STPG1: variants seen among roughly 807,000 people sequenced by gnomAD.
The protein encoded by STPG1 is sperm tail PG-rich repeat containing 1.
In STPG1, 33 loss-of-function variants were observed where a neutral mutation model predicts 40.1. The observed-to-expected ratio is 0.82, with a 90% CI of 0.62 to 1.10. The LOEUF is 1.10. Among genes scored for constraint, STPG1 ranks in the 50% least tolerant of loss-of-function variants. The pLI, the probability that STPG1 is intolerant of heterozygous loss-of-function variation, is 0.00. For synonymous variants in STPG1, 150 were observed against 155.0 expected, an observed-to-expected ratio of 0.97 and a Z score of 0.24; for missense variants, 396 against 415.1, an observed-to-expected ratio of 0.95 and a Z score of 0.40.
Position 24,378,774 on chromosome 1 carries a change from T to C in STPG1, c.462+879A>G, listed in dbSNP as rs371424171. Among the ~76,000 whole-genome samples the C allele has an allele frequency of 3.9e-5, 6 of 152,358 alleles. 1 individual carries two copies. On this transcript the variant is annotated intron_variant, in intron 5 of 8. Transcript: ENST00000337248. ...AGTTTGGAAAATGGCATAACATTAA[T>C]GTCTTAAGTACAATTCATATCTTGC...
intron 1 of STPG1, among the ~76,000 whole-genome samples, chr1:24,412,726 A>T (rs1314726738): frequency 1.3e-5 from 2 of 152,200 alleles, no homozygotes; most frequent in Admixed American, 1.3e-4. Context: ...GAGAATTTTT[A>T]AAATTAGTAT....
In STPG1 at chr1:24,379,790, G is replaced by A; in HGVS notation, c.325C>T (p.Pro109Ser). Residue 109 changes from proline to serine, a missense_variant, in exon 5 of 9, where the codon CCT becomes TCT. Physicochemically the swap from Pro to Ser is moderately conservative, Grantham distance 74. Transcript: ENST00000337248. Reference protein sequence around the residue: ...ARLDTIISKYPAANAYTIPSD... With the variant: ...ARLDTIISKYSAANAYTIPSD... Reference sequence around the variant, plus strand: ...GGGATAGTGTATGCATTCGCTGCAGGGTATTTAGAAATGATGGTGTCCAAT... The same window carrying A: ...GGGATAGTGTATGCATTCGCTGCAGAGTATTTAGAAATGATGGTGTCCAAT... The A allele has an allele frequency of 6.2e-7, 1 of 1,614,082 alleles. No homozygotes were observed. The highest frequency in any genetic ancestry group is 8.5e-7 in the Non-Finnish European group (1 of 1,179,956).
Position 24,365,383 on chromosome 1 carries a change from A to G in STPG1, c.737+4291T>C, listed in dbSNP as rs1419587701. Among the ~76,000 whole-genome samples, 9 of 152,216 alleles carry G rather than the reference A, an allele frequency of 5.9e-5. No homozygotes were observed. The South Asian group carries it at 1.2e-3, about 21-fold the overall frequency. On this transcript the variant is annotated intron_variant, in intron 7 of 8. Transcript: ENST00000337248. Reference sequence around the variant, plus strand: ...CCTAGGAGGAACTATTTTGATCTCCAAAACTCTCACCCTGACTCACCCTAA... The same window carrying G: ...CCTAGGAGGAACTATTTTGATCTCCGAAACTCTCACCCTGACTCACCCTAA...
rs141586885 is a variant in STPG1 at position 24,360,951 on chromosome 1, G to C, written c.828C>G (p.Asp276Glu). ...TGAAATGCTTGCGGGGGCCTAAGTA[G>C]TCCACGATCTCATACTGACCAGGAC... Reference protein sequence around the residue: ...FPGPGQYEIVDYLGPRKHFIS... With the variant: ...FPGPGQYEIVEYLGPRKHFIS... Residue 276 changes from aspartate (D) to glutamate (E), a missense_variant, in exon 8 of 9, where the codon GAC becomes GAG. Physicochemically the swap from Asp to Glu is conservative, Grantham distance 45 (BLOSUM62 2). Transcript: ENST00000337248. 1.8e-4 allele frequency: 287 copies of C among 1,614,084 alleles called. 3 individuals are homozygous for C. The African/African-American group carries it at 2.9e-3, about 16-fold the overall frequency.
chr1:24,364,798 C>G (rs995427058), intron 7 of STPG1, among the ~76,000 whole-genome samples: 8 of 152,206 alleles, frequency 5.3e-5, no homozygotes, highest in Admixed American at 3.3e-4. Flanking sequence ...AAAAGCCAAC[C>G]TGGCCCTGCC....
chr1:24,395,382 T>C (rs918434716), intron 2 of STPG1, among the ~76,000 whole-genome samples: 13 of 144,860 alleles, frequency 9.0e-5, no homozygotes, highest in African/African-American at 2.7e-4. Context: ...AAATAGTAAA[T>C]ATGTGGGTAA....
Position 24,373,663 on chromosome 1 carries a change from T to G in STPG1, c.571+39A>C, listed in dbSNP as rs546585612. 1.4e-4 allele frequency: 201 copies of G among 1,398,458 alleles called. 1 individual carries two copies. In the South Asian group the frequency reaches 2.0e-3, roughly 14 times the overall value. 86.6% of individuals were successfully genotyped at this position (1,398,458 alleles called of 1,614,324 possible). On this transcript the variant is annotated intron_variant, in intron 6 of 8. Coordinates refer to ENST00000337248, the MANE Select transcript of STPG1 (RefSeq NM_001199013.2). ...CCCTGCAAATCAAATCTGGGACACT[T>G]AACCCTTAGGTCAAGGCCAGTGCAA...
At position 24,391,584 on chromosome 1, in the gene STPG1, C is replaced by T. The variant is rs1220368879; in HGVS notation, c.166G>A (p.Ala56Thr). ...ACCTTCTTATGAGGAAATCTCTTGG[C>T]TTGACTATTGAATCCTTTTTTTTCT... ...ESEKKGFNSQ[A>T]KRFPHKKNDI... The change falls in exon 3 of 9, where the codon GCC becomes ACC. Residue 56 changes from alanine (A) to threonine (T), a missense_variant. Physicochemically the swap from Ala to Thr is moderately conservative, Grantham distance 58. Coordinates refer to ENST00000337248, the MANE Select transcript of STPG1 (RefSeq NM_001199013.2). 1 of 1,541,270 alleles carries T rather than the reference C, an allele frequency of 6.5e-7. No individual in the cohort carries two copies. The highest frequency in any genetic ancestry group is 2.0e-5 in the Admixed American group (1 of 50,916).
intron 5 of STPG1, among the ~76,000 whole-genome samples, chr1:24,375,511 G>A (rs80048063): frequency 0.013 from 1,941 of 152,308 alleles, 45 homozygotes; most frequent in African/African-American, 0.044. Flanking sequence ...AAAGAGACCA[G>A]ATGGGACAGG....
At position 24,399,247 on chromosome 1, in the gene STPG1, TAATC is replaced by T. The variant is rs1643124379; in HGVS notation, c.70+2068_70+2071del. On this transcript the variant is annotated intron_variant, in intron 2 of 8. Coordinates refer to ENST00000337248, the MANE Select transcript of STPG1 (RefSeq NM_001199013.2). This position sits in a 1 kb window ranked among gnomAD's most constrained non-coding sequence, Gnocchi z 4.0. Reference sequence around the variant, plus strand: ...CAGTATGATATTTGAACAGAATAAATAATCAAGAAGCAGAGCTGCATATGCCTGG... The same window carrying T: ...CAGTATGATATTTGAACAGAATAAATAAGAAGCAGAGCTGCATATGCCTGG... Among the ~76,000 whole-genome samples the T allele has an allele frequency of 6.6e-6, 1 of 152,162 alleles. No individual in the cohort carries two copies. The highest frequency in any genetic ancestry group is 1.5e-5 in the Non-Finnish European group (1 of 68,004).
intron 5 of STPG1, among the ~76,000 whole-genome samples, chr1:24,374,257 G>GTTTT (rs1553122570): frequency 1.3e-4 from 8 of 62,150 alleles, no homozygotes; most frequent in East Asian, 4.7e-4. Flanking sequence ...TTTTTTTTTT[G>GTTTT]TTTTTTTTTT....
At chr1:24,366,198 C>A (rs1444572577) in intron 7 of STPG1, among the ~76,000 whole-genome samples, 3 of 152,188 alleles carry the variant, frequency 2.0e-5, no homozygotes, top group Non-Finnish European at 4.4e-5. Context: ...CTGCATGGCA[C>A]GCGTGTGTTC....
chr1:24,366,174 G>C (rs754640273), intron 7 of STPG1, among the ~76,000 whole-genome samples: 1 of 152,186 alleles, frequency 6.6e-6, no homozygotes, highest in Non-Finnish European at 1.5e-5. Flanking sequence ...AGACAGATGA[G>C]GGCAGGTCTC....
At chr1:24,389,209 C>T (rs1642644808) in intron 3 of STPG1, among the ~76,000 whole-genome samples, 1 of 152,178 alleles carries the variant, frequency 6.6e-6, no homozygotes. Context: ...TTTTAAAACA[C>T]TAACTTGACA....
At chr1:24,411,119 C>T (rs1002320824) in intron 1 of STPG1, among the ~76,000 whole-genome samples, 1 of 152,136 alleles carries the variant, frequency 6.6e-6, no homozygotes, top group Non-Finnish European at 1.5e-5. Context: ...ACAGGGATAT[C>T]GTATTAACAA....
intron 3 of STPG1, among the ~76,000 whole-genome samples, chr1:24,387,460 A>G (rs1642563539): frequency 6.6e-6 from 1 of 152,120 alleles, no homozygotes; most frequent in Non-Finnish European, 1.5e-5. Context: ...ACCTTGTGTC[A>G]AGGGCATAAG....
chr1:24,368,661 T>A (rs7537875), intron 7 of STPG1: 55,729 of 152,098 alleles, frequency 0.37, 10,327 homozygotes, highest in East Asian at 0.43. Flanking sequence ...CTGTGTTAAT[T>A]TTGAGTCACC....
chr1:24,413,262 G>A (rs2148722576), intron 1 of STPG1, among the ~76,000 whole-genome samples: 1 of 152,342 alleles, frequency 6.6e-6, no homozygotes, highest in South Asian at 2.1e-4. Flanking sequence ...CCAGAGCAGG[G>A]AAGTCGTTTG....
At position 24,358,375 on chromosome 1, in the gene STPG1, CA is replaced by C; in HGVS notation, c.*167del. 1.4e-6 allele frequency: 1 copy of C among 718,926 alleles called. No individual in the cohort carries two copies. The highest frequency in any genetic ancestry group is 2.6e-6 in the Non-Finnish European group (1 of 392,022). 44.5% of individuals were successfully genotyped at this position (718,926 alleles called of 1,614,324 possible). A position where few individuals can be genotyped will look rare whatever the true frequency, so the allele number is the denominator to read the frequency against. ...AGGGAGCAATGTCTCCAGCTCAAGA[CA>C]AAGGCAATGGCAGCAGTCCGGCTAG... On this transcript the variant is annotated 3_prime_UTR_variant, in exon 9 of 9. Transcript: ENST00000337248.
Sources: allele counts gnomAD v4.1 joint callset (sites outside exome capture counted in the v4.1 genomes callset), GRCh38; gene constraint gnomAD v4.1.1; non-coding constraint Gnocchi (gnomAD v3.1); transcripts MANE v1.5; gene names NCBI Gene and HGNC (gene_info 2026-07-23, HGNC 2026-07-21).